The following POLG variants were observed in gnomAD, a reference collection of about 807,000 sequenced individuals.
POLG encodes the protein DNA polymerase subunit gamma-1.
In POLG, 110 loss-of-function variants were observed where a neutral mutation model predicts 155.4. The ratio of observed to expected loss-of-function variants is 0.71; its 90% CI spans 0.61 to 0.83. The LOEUF is 0.83. Among genes scored for constraint, POLG ranks in the 40% least tolerant of loss-of-function variants. The pLI is 0.00. For missense variants in POLG, 1,685 were observed against 1,627.5 expected (o/e 1.04, Z -0.61); for synonymous variants, 701 against 631.5 (o/e 1.11, Z -1.65).
In POLG at chr15:89,323,481, G is replaced by A. The variant is rs749799926; in HGVS notation, c.2188C>T (p.Pro730Ser). The A allele has an allele frequency of 6.2e-7, 1 of 1,613,756 alleles. No homozygotes were observed. The highest frequency in any genetic ancestry group is 1.1e-5 in the South Asian group (1 of 91,086). The stretch of plus-strand genomic sequence containing the variant: ...GGTCCATTGCCATGGTGATAGCTGG[G>A]CTGGGTGTCCTTGGGGCCACCACGG... ...TARGGPKDTQ[P>S]SYHHGNGPYN... is the part of the protein sequence containing the mutation. Residue 730 changes from proline to serine, a missense_variant, in exon 13 of 23, where the codon CCC becomes TCC. Pro to Ser is a moderately conservative substitution (Grantham distance 74). Around this residue, in one of 3 missense-constraint regions of POLG, gnomAD observed 1,210 missense variants for 1,167.1 expected, o/e 1.04. Transcript: ENST00000268124.
chr15:89,328,741 C>A lies in POLG; in HGVS notation c.1114G>T (p.Glu372Ter). 6.2e-7 allele frequency: 1 copy of A among 1,614,154 alleles called. No homozygotes were observed. Among genetic ancestry groups the A allele is most frequent in the Non-Finnish European group, 8.5e-7 (1 of 1,180,028 alleles). Residue 372 changes from glutamate (E) to a stop codon, truncating the protein, a stop_gained, in exon 5 of 23, where the codon GAG becomes TAG. Transcript: ENST00000268124. LOFTEE classifies it high-confidence loss of function. ...LYVGGPPLEK[E>*]PRELFVKGTM... ...CCCTTCACAAACAGTTCTCGAGGCT[C>A]CTTCTCTAAGGGAGGCCCCCCTACA...
intron 13 of POLG, among the ~76,000 whole-genome samples, 156 bp from the exon 14 acceptor site, chr15:89,323,058 C>T (rs773268633): frequency 1.3e-5 from 2 of 151,692 alleles, no homozygotes; most frequent in African/African-American, 2.4e-5. Context: ...CACGCGCGCA[C>T]GCACACACAC....
rs775051288 is a variant in POLG, at chr15:89,316,457, TAAATG to T, written c.*289_*293del. 1.2e-5 allele frequency: 20 copies of T among 1,609,074 alleles called. No individual in the cohort carries two copies. The African/African-American group carries it at 1.9e-4, about 15-fold the overall frequency. ...ACCAGCCAAGAAGAAAAGGAAAAAA[TAAATG>T]AAATGCCTGAGTTAATGTGAACTTT... On this transcript the variant is annotated 3_prime_UTR_variant, in exon 23 of 23. Coordinates refer to ENST00000268124, the MANE Select transcript of POLG (RefSeq NM_002693.3).
In POLG at chr15:89,333,603, T is replaced by A. The variant is rs1478709276; in HGVS notation, c.152A>T (p.Gln51Leu). Residue 51 changes from glutamine (Q) to leucine (L), a missense_variant, in exon 2 of 23, where the codon CAG (glutamine) becomes CTG (leucine). Transcript: ENST00000268124. ...CGGCTGCTGAGGCTGCTGTTGCTGC[T>A]GCTGCTGCTGCTGCTGCTGCTGCTG... ...RRQQQQQQQQQQQQQPQQPQV... is the reference protein window; with the variant it reads ...RRQQQQQQQQLQQQQPQQPQV... The A allele has an allele frequency of 6.3e-7, 1 of 1,578,942 alleles. No homozygotes were observed. Among genetic ancestry groups the A allele is most frequent in the Non-Finnish European group, 8.6e-7 (1 of 1,159,898 alleles).
In POLG at chr15:89,321,806, T is replaced by C. The variant is rs747674539; in HGVS notation, c.2528A>G (p.Gln843Arg). 1.9e-5 allele frequency: 31 copies of C among 1,614,026 alleles called. No homozygotes were observed. Among genetic ancestry groups the C allele is most frequent in the Non-Finnish European group, 2.5e-5 (30 of 1,180,024 alleles). Residue 843 changes from glutamine to arginine, a missense_variant, in exon 16 of 23, where the codon CAA (glutamine) becomes CGA (arginine). Physicochemically the swap from Gln to Arg is conservative, Grantham distance 43 (BLOSUM62 1). Around this residue, in one of 3 missense-constraint regions of POLG, gnomAD observed 1,210 missense variants for 1,167.1 expected, o/e 1.04. Transcript: ENST00000268124. ...EEGLYGAILP[Q>R]VVTAGTITRR... The stretch of plus-strand genomic sequence containing the variant: ...AGTGATGGTGCCGGCAGTCACCACT[T>C]GGGGCAGGATGGCCCCATAGAGGCC...
Position 89,323,984 on chromosome 15 carries a change from G to C in POLG, c.2071-83C>G, listed in dbSNP as rs1457981431. The C allele has an allele frequency of 5.9e-6, 9 of 1,534,936 alleles. No individual in the cohort carries two copies. The East Asian group carries it at 1.8e-4, about 31-fold the overall frequency. ...CCAGCCCCTCCCTGCATGGTACTCA[G>C]ACACTGCAGGCCAGTCTGGGGTGAG... is the stretch of plus-strand genomic sequence containing the variant. On this transcript the variant is annotated intron_variant, in intron 11 of 22. Transcript: ENST00000268124.
rs745843158 is a variant in POLG, at chr15:89,333,188, G to A, written c.567C>T (p.Ile189=). ...GPEGEAVPVA[I]PEERALVFDV... is the part of the protein sequence containing the mutation. ...CGAACACCAGGGCCCGCTCCTCGGG[G>A]ATGGCCACGGGTACGGCCTCCCCCT... Residue 189 remains isoleucine (I), a synonymous_variant, in exon 2 of 23, where the codon ATC becomes ATT. Transcript: ENST00000268124. 1.3e-6 allele frequency: 2 copies of A among 1,569,712 alleles called. No individual in the cohort carries two copies. Among genetic ancestry groups the A allele is most frequent in the African/African-American group, 1.4e-5 (1 of 73,606 alleles).
chr15:89,325,880 C>G (rs2055510869), intron 9 of POLG, among the ~76,000 whole-genome samples, 194 bp from the exon 10 acceptor site: 1 of 152,178 alleles, frequency 6.6e-6, no homozygotes, highest in Non-Finnish European at 1.5e-5. Context: ...AAGAATATTT[C>G]AAAAGCAAAG....
chr15:89,316,689 T>C lies in POLG; in HGVS notation c.*62A>G. ...AAAAAGCACAGCTGAAAGCCTGAGT[T>C]TGGGAGCCTGCACCACCCCGATGAA... On this transcript the variant is annotated 3_prime_UTR_variant, in exon 23 of 23. Transcript: ENST00000268124. 4.3e-6 allele frequency: 6 copies of C among 1,390,618 alleles called. No homozygotes were observed. Among genetic ancestry groups the C allele is most frequent in the Non-Finnish European group, 6.1e-6 (6 of 982,560 alleles). 86.1% of individuals were successfully genotyped at this position (1,390,618 alleles called of 1,614,324 possible).
At position 89,323,433 on chromosome 15, in the gene POLG, C is replaced by T; in HGVS notation, c.2236G>A (p.Gly746Ser). 5 of 1,613,718 alleles carry T rather than the reference C, an allele frequency of 3.1e-6. No homozygotes were observed. The highest frequency in any genetic ancestry group is 4.2e-6 in the Non-Finnish European group (5 of 1,179,582). The stretch of plus-strand genomic sequence containing the variant: ...TGAGGCAGCTTGAAAAACCAGCAGC[C>T]AGGGATGTCCACGTCGTTGTAAGGT... ...NGPYNDVDIP[G>S]CWFFKLPHKD... Residue 746 changes from glycine (G) to serine (S), a missense_variant, in exon 13 of 23, where the codon GGC (glycine) becomes AGC (serine). Gly to Ser is a moderately conservative substitution (Grantham distance 56). Around this residue, in one of 3 missense-constraint regions of POLG, gnomAD observed 1,210 missense variants for 1,167.1 expected, o/e 1.04. Transcript: ENST00000268124.
chr15:89,323,035 T>TCACGCACG (rs536566488), intron 13 of POLG, 133 bp from the exon 14 acceptor site: 4 of 900,612 alleles, frequency 4.4e-6, no homozygotes, highest in South Asian at 1.6e-5. Flanking sequence ...CCTGATTGTA[T>TCACGCACG]CACGCACGCG....
chr15:89,323,812 C>T lies in POLG; in HGVS notation c.2157+3G>A. The T allele has an allele frequency of 6.2e-7, 1 of 1,612,766 alleles. No homozygotes were observed. Among genetic ancestry groups the T allele is most frequent in the Non-Finnish European group, 8.5e-7 (1 of 1,178,728 alleles). On this transcript the variant is annotated splice_donor_region_variant and intron_variant, in intron 12 of 22. Coordinates refer to ENST00000268124, the MANE Select transcript of POLG (RefSeq NM_002693.3). ...AGAGAACCCAAGCCGGCGCACTGCTCACCAGAGCTAGGGGTTGACCTGGCA... is the reference window on the plus strand; with the variant it reads ...AGAGAACCCAAGCCGGCGCACTGCTTACCAGAGCTAGGGGTTGACCTGGCA...
rs770458126 is a variant in POLG at position 89,321,147 on chromosome 15, G to C, written c.2712C>G (p.Asp904Glu). ...QELWIAAVLG[D>E]AHFAGMHGCT... ...CACCATGCATGCCGGCAAAGTGGGC[G>C]TCTCCAAGCACAGCTGCAATCCACA... Residue 904 changes from aspartate to glutamate, a missense_variant, in exon 17 of 23, where the codon GAC (aspartate) becomes GAG (glutamate). Physicochemically the swap from Asp to Glu is conservative, Grantham distance 45. Transcript: ENST00000268124. 1 of 1,614,112 alleles carries C rather than the reference G, an allele frequency of 6.2e-7. No homozygotes were observed. The highest frequency in any genetic ancestry group is 1.7e-5 in the Admixed American group (1 of 60,008).
Position 89,324,137 on chromosome 15 carries a change from C to CAGG in POLG, c.2037_2039dup (p.Leu681dup). 1 of 1,614,074 alleles carries CAGG rather than the reference C, an allele frequency of 6.2e-7. No homozygotes were observed. Among genetic ancestry groups the CAGG allele is most frequent in the Non-Finnish European group, 8.5e-7 (1 of 1,180,034 alleles). ...GCCATATGGCACTATTGTCAGTGAG[C>CAGG]AGGAACTCCTCCGCCAGGCCGGCCT... On this transcript the variant is annotated inframe_insertion, in exon 11 of 23. Coordinates refer to ENST00000268124, the MANE Select transcript of POLG (RefSeq NM_002693.3).
At chr15:89,326,047 C>T (rs2055512940) in intron 9 of POLG, among the ~76,000 whole-genome samples, 1 of 152,166 alleles carries the variant, frequency 6.6e-6, no homozygotes, top group Non-Finnish European at 1.5e-5. Context: ...AAACACCAGT[C>T]CTTCTGGGTG....
At chr15:89,321,511 T>C (rs1282178848) in intron 16 of POLG, among the ~76,000 whole-genome samples, 3 of 152,210 alleles carry the variant, frequency 2.0e-5, no homozygotes, top group African/African-American at 7.2e-5. Flanking sequence ...CCATGAGAGC[T>C]GTAGCTATTA....
chr15:89,325,139 TGA>T lies in POLG; in HGVS notation c.1949+309_1949+310del, dbSNP rs749199152. Among the ~76,000 whole-genome samples, 1,454 of 36,822 alleles carry T rather than the reference TGA, an allele frequency of 0.039. 320 individuals carry two copies. Among genetic ancestry groups the T allele is most frequent in the Non-Finnish European group, 0.055 (1,076 of 19,564 alleles). 24.2% of individuals were successfully genotyped at this position (36,822 alleles called of 152,430 possible). The stretch of plus-strand genomic sequence containing the variant: ...GTGAGTGAGTGAGTGAGAGAGTGAG[TGA>T]GAGAGTGAGTGAGTGAGTGAGTGAG... On this transcript the variant is annotated intron_variant, in intron 10 of 22. Transcript: ENST00000268124.
chr15:89,318,654 A>G lies in POLG; in HGVS notation c.3369T>C (p.Phe1123=). 6.2e-7 allele frequency: 1 copy of G among 1,614,230 alleles called. No homozygotes were observed. The highest frequency in any genetic ancestry group is 8.5e-7 in the Non-Finnish European group (1 of 1,180,026). The change falls in exon 21 of 23, where the codon TTT becomes TTC. Residue 1123 remains phenylalanine (F), a synonymous_variant. Transcript: ENST00000268124. Reference sequence around the variant, plus strand: ...TGATGCAGAAGCGCCCATCTATGGCAAACTCTTCAAACAGCCACTTCATGG... The same window carrying G: ...TGATGCAGAAGCGCCCATCTATGGCGAACTCTTCAAACAGCCACTTCATGG... ...LVAMKWLFEE[F]AIDGRFCISI...
chr15:89,324,154 G>C lies in POLG; in HGVS notation c.2023C>G (p.Leu675Val), dbSNP rs978575413. The change falls in exon 11 of 23, where the codon CTG (leucine) becomes GTG (valine). Residue 675 changes from leucine to valine, a missense_variant. Leu to Val is a conservative substitution (Grantham distance 32). This residue lies in a region of POLG where 1,210 missense variants were observed against 1,167.1 expected (regional missense o/e 1.04). Transcript: ENST00000268124. Reference sequence around the variant, plus strand: ...TCAGTGAGCAGGAACTCCTCCGCCAGGCCGGCCTCCTGGGGCATCAGCTGC... The same window carrying C: ...TCAGTGAGCAGGAACTCCTCCGCCACGCCGGCCTCCTGGGGCATCAGCTGC... Reference protein sequence around the residue: ...KQQLMPQEAGLAEEFLLTDNS... With the variant: ...KQQLMPQEAGVAEEFLLTDNS... 6.2e-7 allele frequency: 1 copy of C among 1,613,904 alleles called. No homozygotes were observed. Among genetic ancestry groups the C allele is most frequent in the Non-Finnish European group, 8.5e-7 (1 of 1,180,036 alleles).
Sources: gnomAD v4.1 joint callset for allele counts (sites outside exome capture counted in the v4.1 genomes callset) on GRCh38, gnomAD v4.1.1 for gene constraint, gnomAD v4.1.1 regional missense constraint, MANE v1.5 for transcripts, NCBI Gene and HGNC (gene_info 2026-07-23, HGNC 2026-07-21) for gene names.